ELMO1: variants seen among roughly 807,000 people sequenced by gnomAD.
The protein encoded by ELMO1 is engulfment and cell motility 1.
ELMO1 carries 26 observed loss-of-function variants against 98.9 expected under a neutral mutation model. That is an observed-to-expected ratio of 0.26 (90% confidence interval 0.19 to 0.36). The LOEUF is 0.36. Among genes scored for constraint, ELMO1 ranks in the 10% least tolerant of loss-of-function variants. The pLI, the probability that ELMO1 is intolerant of heterozygous loss-of-function variation, is 1.00. For missense variants in ELMO1, 627 were observed against 935.2 expected, an observed-to-expected ratio of 0.67 and a Z score of 4.30; for synonymous variants, 346 against 346.0, an observed-to-expected ratio of 1.00 and a Z score of 0.00.
chr7:37,354,685 C>A (rs530899832), intron 1 of ELMO1, among the ~76,000 whole-genome samples: 1 of 152,198 alleles, frequency 6.6e-6, no homozygotes, highest in Non-Finnish European at 1.5e-5. Flanking sequence ...TGGCTGCTCC[C>A]TTCCTCCCAG....
chr7:37,150,122 G>C (rs1788257623), intron 13 of ELMO1, among the ~76,000 whole-genome samples: 1 of 152,090 alleles, frequency 6.6e-6, no homozygotes, highest in Admixed American at 6.5e-5. Flanking sequence ...TGGGGCCTTT[G>C]ATATATTCAG....
intron 9 of ELMO1, 152 bp from the exon 10 acceptor site, chr7:37,222,845 G>A (rs893668095): frequency 4.6e-6 from 3 of 648,840 alleles, no homozygotes; most frequent in South Asian, 3.9e-5. Context: ...TTTGCACTGA[G>A]AATGCATTTC....
chr7:37,361,030 CTT>C (rs34437409), intron 1 of ELMO1, among the ~76,000 whole-genome samples: 26,037 of 151,996 alleles, frequency 0.17, 2,824 homozygotes, highest in East Asian at 0.58. Context: ...ATGATAAAAA[CTT>C]AGAACAACTA....
chr7:37,418,928 A>T (rs1374741697), intron 1 of ELMO1, among the ~76,000 whole-genome samples: 2 of 152,114 alleles, frequency 1.3e-5, no homozygotes, highest in African/African-American at 4.8e-5. Context: ...CAACAAGACT[A>T]AGCAGCTACG....
intron 4 of ELMO1, among the ~76,000 whole-genome samples, chr7:37,307,593 G>A (rs1798678043): frequency 6.6e-6 from 1 of 152,198 alleles, no homozygotes; most frequent in South Asian, 2.1e-4. Context: ...TTATCAGGCT[G>A]TGTAAACAGG....
intron 1 of ELMO1, among the ~76,000 whole-genome samples, chr7:37,391,677 G>A (rs1005469466): frequency 3.3e-5 from 5 of 152,268 alleles, no homozygotes; most frequent in African/African-American, 9.6e-5. Context: ...CCCCAGTTGG[G>A]GGCCGACTTG....
chr7:37,448,218 A>G (rs898524263), intron 1 of ELMO1, among the ~76,000 whole-genome samples: 1 of 151,114 alleles, frequency 6.6e-6, no homozygotes, highest in Non-Finnish European at 1.5e-5. Context: ...CCGCTTCTCT[A>G]GCTCTATAGG....
intron 2 of ELMO1, among the ~76,000 whole-genome samples, chr7:37,333,948 T>G (rs1800259941): frequency 6.6e-6 from 1 of 152,170 alleles, no homozygotes; most frequent in Admixed American, 6.5e-5. Flanking sequence ...GCACTATCTT[T>G]AAAGGACTCA....
intron 16 of ELMO1, among the ~76,000 whole-genome samples, chr7:36,947,291 C>A (rs548244985): frequency 3.9e-5 from 6 of 152,354 alleles, no homozygotes; most frequent in Non-Finnish European, 8.8e-5. Flanking sequence ...TGGATGTGCC[C>A]AAAGCACTTC....
intron 16 of ELMO1, among the ~76,000 whole-genome samples, chr7:36,938,311 A>G (rs1429631379): frequency 6.6e-6 from 1 of 152,254 alleles, no homozygotes; most frequent in African/African-American, 2.4e-5. Flanking sequence ...GACTGGATAA[A>G]AACAAGTTGC....
rs539100057 is a variant in ELMO1, at chr7:37,410,098, A to G, written c.-74+38577T>C. Among the ~76,000 whole-genome samples, 23 of 152,328 alleles carry G rather than the reference A, an allele frequency of 1.5e-4. No individual in the cohort carries two copies. In the East Asian group the frequency reaches 4.2e-3, roughly 28 times the overall value. On this transcript the variant is annotated intron_variant, in intron 1 of 21. Coordinates refer to ENST00000310758, the MANE Select transcript of ELMO1 (RefSeq NM_014800.11). ...GTCAGAACCCTTAACTACTATGACT[A>G]TTTTGCTTCCGACTTCCTTTACAAT...
At chr7:37,267,006 C>T (rs1265727276) in intron 5 of ELMO1, among the ~76,000 whole-genome samples, 1 of 111,776 alleles carries the variant, frequency 8.9e-6, no homozygotes, top group Admixed American at 1.1e-4. Context: ...GAGCAAGACT[C>T]CATCTAAAAA....
intron 16 of ELMO1, among the ~76,000 whole-genome samples, chr7:36,959,581 T>C (rs1478601019): frequency 6.6e-6 from 1 of 152,210 alleles, no homozygotes; most frequent in East Asian, 1.9e-4. Flanking sequence ...GGGAGGGGCT[T>C]TCCCTGAAGT....
Position 37,180,825 on chromosome 7 carries a change from C to T in ELMO1, c.1086+30561G>A, listed in dbSNP as rs561388187. 3.1e-4 allele frequency among the ~76,000 whole-genome samples: 47 copies of T among 152,064 alleles called. 1 individual carries two copies. The highest frequency in any genetic ancestry group is 1.1e-3 in the African/African-American group (47 of 41,486). ...ACACACATATGCGCACACACACACACACACACATGCACACGCAAACAGAGA... is the reference window on the plus strand; with the variant it reads ...ACACACATATGCGCACACACACACATACACACATGCACACGCAAACAGAGA... On this transcript the variant is annotated intron_variant, in intron 13 of 21. Transcript: ENST00000310758.
intron 1 of ELMO1, among the ~76,000 whole-genome samples, chr7:37,352,226 G>A (rs1199049435): frequency 2.6e-5 from 4 of 152,174 alleles, no homozygotes; most frequent in Non-Finnish European, 2.9e-5. Flanking sequence ...CAGCCAGAAT[G>A]AAATCTACAT....
chr7:36,903,984 C>T (rs995031823), intron 16 of ELMO1, among the ~76,000 whole-genome samples: 1 of 152,238 alleles, frequency 6.6e-6, no homozygotes, highest in African/African-American at 2.4e-5. Flanking sequence ...TACTTGAGGC[C>T]AGACCACTCC....
intron 13 of ELMO1, among the ~76,000 whole-genome samples, chr7:37,183,280 C>G (rs1426480854): frequency 6.6e-6 from 1 of 152,174 alleles, no homozygotes; most frequent in Non-Finnish European, 1.5e-5. Flanking sequence ...ATACATCAAA[C>G]AAAAATAAAC....
chr7:37,120,863 G>C (rs993712109), intron 14 of ELMO1, among the ~76,000 whole-genome samples: 1 of 152,142 alleles, frequency 6.6e-6, no homozygotes, highest in African/African-American at 2.4e-5. Context: ...AGCCTAACTG[G>C]GAGGCACCCC....
intron 16 of ELMO1, among the ~76,000 whole-genome samples, chr7:36,987,674 T>C (rs1791610323): frequency 6.6e-6 from 1 of 152,190 alleles, no homozygotes; most frequent in African/African-American, 2.4e-5. Context: ...ACACATCCAC[T>C]GTCTAAACAG....
Sources: allele counts gnomAD v4.1 joint callset (sites outside exome capture counted in the v4.1 genomes callset), GRCh38; gene constraint gnomAD v4.1.1; transcripts MANE v1.5; gene names NCBI Gene and HGNC (gene_info 2026-07-23, HGNC 2026-07-21).